The following ABR variants were observed in gnomAD, a reference collection of about 807,000 sequenced individuals.
ABR encodes active breakpoint cluster region-related protein.
In ABR, 35 loss-of-function variants were observed where a neutral mutation model predicts 107.2. The ratio of observed to expected loss-of-function variants is 0.33; its 90% CI spans 0.25 to 0.43. The LOEUF (loss-of-function observed/expected upper bound fraction) is 0.43. Among genes scored for constraint, ABR ranks in the 20% least tolerant of loss-of-function variants. The pLI, the probability that ABR is intolerant of heterozygous loss-of-function variation, is 1.00. For missense variants in ABR, 815 were observed against 1,115.2 expected, an observed-to-expected ratio of 0.73 and a Z score of 3.83; for synonymous variants, 498 against 462.0, an observed-to-expected ratio of 1.08 and a Z score of -1.00.
At chr17:1,156,615 C>T (rs1248427597) in intron 1 of ABR, among the ~76,000 whole-genome samples, 4 of 151,746 alleles carry the variant, frequency 2.6e-5, no homozygotes, top group South Asian at 4.2e-4. Flanking sequence ...ACCCGGGAGG[C>T]GGAGGTTGCA....
In ABR at chr17:1,038,688, C is replaced by T. The variant is rs541992400; in HGVS notation, c.1791+11362G>A. On this transcript the variant is annotated intron_variant, in intron 16 of 22. Transcript: ENST00000302538. Reference sequence around the variant, plus strand: ...GCCACGGCAAGGGCGGGGCTGGCCACGAGGGGCTGCTGTGAGTCTGCGGTG... The same window carrying T: ...GCCACGGCAAGGGCGGGGCTGGCCATGAGGGGCTGCTGTGAGTCTGCGGTG... Among the ~76,000 whole-genome samples the T allele has an allele frequency of 5.3e-3, 808 of 152,340 alleles. 8 individuals carry two copies. The highest frequency in any genetic ancestry group is 9.0e-3 in the Non-Finnish European group (615 of 68,028).
intron 2 of ABR, among the ~76,000 whole-genome samples, chr17:1,102,485 C>T (rs973515066): frequency 6.6e-6 from 1 of 152,350 alleles, no homozygotes; most frequent in South Asian, 2.1e-4. Context: ...CTGAGCCACA[C>T]TGGAAGAAGA....
intron 1 of ABR, among the ~76,000 whole-genome samples, chr17:1,203,634 G>A (rs1251914725): frequency 1.3e-5 from 2 of 152,156 alleles, no homozygotes; most frequent in Non-Finnish European, 1.5e-5. Flanking sequence ...GCTGCGAGGA[G>A]CCCGGCGAGT....
At chr17:1,161,443 G>C (rs1160789460) in intron 1 of ABR, among the ~76,000 whole-genome samples, 3 of 151,682 alleles carry the variant, frequency 2.0e-5, no homozygotes, top group Non-Finnish European at 4.4e-5. Context: ...ACAGGGTCTT[G>C]ATATGTTGCC....
chr17:1,227,639 A>G (rs1210716070), intron 1 of ABR, among the ~76,000 whole-genome samples: 1 of 137,346 alleles, frequency 7.3e-6, no homozygotes, highest in African/African-American at 2.6e-5. Context: ...CCCAGCATCA[A>G]TGATTTTTTT....
chr17:1,205,340 G>A (rs2042769287), intron 1 of ABR, among the ~76,000 whole-genome samples: 1 of 152,154 alleles, frequency 6.6e-6, no homozygotes, highest in Non-Finnish European at 1.5e-5. Context: ...AAATGAAACA[G>A]TGCACAAATG....
At chr17:1,017,321 C>T (rs951082719) in intron 16 of ABR, among the ~76,000 whole-genome samples, 5 of 152,078 alleles carry the variant, frequency 3.3e-5, no homozygotes, top group Non-Finnish European at 7.3e-5. Context: ...GTAGTTCCTT[C>T]ATCTCGTCTG....
At chr17:1,049,911 G>C in intron 16 of ABR, 139 bp downstream of exon 16, 11 of 1,230,144 alleles carry the variant, frequency 8.9e-6, no homozygotes, top group Non-Finnish European at 1.2e-5. Flanking sequence ...AGGGAGGGGA[G>C]AACCACCTCC....
chr17:1,207,304 A>C (rs1310111621), intron 1 of ABR, among the ~76,000 whole-genome samples: 1 of 151,884 alleles, frequency 6.6e-6, no homozygotes, highest in African/African-American at 2.4e-5. Flanking sequence ...GAGAATATAA[A>C]TTGGATCAAC....
At chr17:1,023,446 C>A (rs1192263598) in intron 16 of ABR, among the ~76,000 whole-genome samples, 1 of 152,234 alleles carries the variant, frequency 6.6e-6, no homozygotes, top group African/African-American at 2.4e-5. Context: ...GCTACAAATA[C>A]CAGCCAGGAA....
chr17:1,175,935 CA>C (rs562778976), intron 1 of ABR, among the ~76,000 whole-genome samples: 12 of 151,814 alleles, frequency 7.9e-5, no homozygotes, highest in Middle Eastern at 3.4e-3. Context: ...ACTAAAAACA[CA>C]AAAAATTAGC....
chr17:1,086,753 C>T (rs563440948), intron 4 of ABR, among the ~76,000 whole-genome samples: 12 of 152,184 alleles, frequency 7.9e-5, no homozygotes, highest in Admixed American at 1.3e-4. Flanking sequence ...CACCCGCCTC[C>T]GCCTCCCAAA....
chr17:1,132,913 A>C (rs1052475898), intron 1 of ABR, among the ~76,000 whole-genome samples: 1 of 152,190 alleles, frequency 6.6e-6, no homozygotes, highest in African/African-American at 2.4e-5. Context: ...GTCAGGGCAT[A>C]GGTACTCACA....
chr17:1,182,109 G>A (rs73975668), upstream of ABR, among the ~76,000 whole-genome samples: 3,376 of 152,190 alleles, frequency 0.022, 107 homozygotes, highest in African/African-American at 0.078. Flanking sequence ...TCCACAACAC[G>A]ATAGAGGGTA....
chr17:1,019,154 C>T (rs916836862), intron 16 of ABR, among the ~76,000 whole-genome samples: 2 of 152,194 alleles, frequency 1.3e-5, no homozygotes, highest in Admixed American at 1.3e-4. Context: ...CCATCACTTC[C>T]GCTCCAGCTG....
At chr17:1,031,449 A>C in intron 16 of ABR, 1 of 528,010 alleles carries the variant, frequency 1.9e-6, no homozygotes, top group Non-Finnish European at 2.9e-6. Flanking sequence ...AGCCACTTAG[A>C]GGGACGCGCA....
intron 16 of ABR, among the ~76,000 whole-genome samples, chr17:1,017,960 C>T (rs2150785409): frequency 6.6e-6 from 1 of 152,130 alleles, no homozygotes; most frequent in East Asian, 1.9e-4. Context: ...CTATGTTGCC[C>T]TGGGCTTCAG....
At chr17:1,033,599 G>T (rs985889741) in intron 16 of ABR, among the ~76,000 whole-genome samples, 2 of 152,218 alleles carry the variant, frequency 1.3e-5, no homozygotes, top group Non-Finnish European at 2.9e-5. Flanking sequence ...GCCTGGGCTA[G>T]AACCGGGCCT....
At chr17:1,142,994 G>A (rs531758602) in intron 1 of ABR, among the ~76,000 whole-genome samples, 51 of 148,730 alleles carry the variant, frequency 3.4e-4, no homozygotes, top group African/African-American at 1.3e-3. Context: ...GCTCCTGGGG[G>A]ACAGCTCATT....
Sources: allele counts gnomAD v4.1 joint callset (sites outside exome capture counted in the v4.1 genomes callset), GRCh38; gene constraint gnomAD v4.1.1; transcripts MANE v1.5; gene names NCBI Gene and HGNC (gene_info 2026-07-23, HGNC 2026-07-21).